The following RORA variants were observed in gnomAD, a reference collection of about 807,000 sequenced individuals.
RORA encodes RAR related orphan receptor A.
Under a neutral mutation model 69.5 loss-of-function variants are expected in RORA, and 7 were observed. The ratio of observed to expected loss-of-function variants is 0.10; its 90% CI spans 0.06 to 0.19. The LOEUF is 0.19. RORA is among the 10% of genes least tolerant of loss of function. The probability of loss-of-function intolerance (pLI) is 1.00; values close to 1 mark genes in which losing one functional copy is unlikely to be tolerated. For synonymous variants in RORA, 261 were observed against 240.8 expected, an observed-to-expected ratio of 1.08 and a Z score of -0.78; for missense variants, 457 against 663.0, an observed-to-expected ratio of 0.69 and a Z score of 3.41.
intron 1 of RORA, among the ~76,000 whole-genome samples, chr15:60,861,973 C>A (rs1595773732): frequency 6.6e-6 from 1 of 152,190 alleles, no homozygotes; most frequent in Admixed American, 6.5e-5. Flanking sequence ...TTTTAGGATG[C>A]AAGGAAAATA....
rs531939218 is a variant in RORA, at chr15:61,210,449, G to A, written c.166+18604C>T. On this transcript the variant is annotated intron_variant, in intron 1 of 10. Transcript: ENST00000335670. Reference sequence around the variant, plus strand: ...GAACAGGGAAAAAAGATTCCATTTCGATTCCTGAAGGTTACCCCCATACCT... The same window carrying A: ...GAACAGGGAAAAAAGATTCCATTTCAATTCCTGAAGGTTACCCCCATACCT... Among the ~76,000 whole-genome samples, 127 of 152,168 alleles carry A rather than the reference G, an allele frequency of 8.3e-4. 2 individuals carry two copies. The highest frequency in any genetic ancestry group is 3.0e-3 in the African/African-American group (123 of 41,496).
chr15:60,744,755 G>T (rs2071624271), intron 1 of RORA, among the ~76,000 whole-genome samples: 1 of 152,172 alleles, frequency 6.6e-6, no homozygotes, highest in African/African-American at 2.4e-5. Context: ...TAACAATGGT[G>T]GCTGTGATGG....
chr15:61,186,467 C>G (rs1300723363), intron 1 of RORA, among the ~76,000 whole-genome samples: 1 of 151,798 alleles, frequency 6.6e-6, no homozygotes, highest in Admixed American at 6.6e-5. Flanking sequence ...ATGGTGGAAC[C>G]CTGTCTCTAC....
chr15:60,841,684 C>A (rs2073200208), intron 1 of RORA, among the ~76,000 whole-genome samples: 1 of 152,178 alleles, frequency 6.6e-6, no homozygotes, highest in Admixed American at 6.5e-5. Flanking sequence ...ACAGGTGGAG[C>A]CAACACCCCT....
At chr15:60,690,398 A>T (rs1011060626) in intron 1 of RORA, among the ~76,000 whole-genome samples, 2 of 152,180 alleles carry the variant, frequency 1.3e-5, no homozygotes, top group African/African-American at 2.4e-5. Flanking sequence ...TGGAACTTGC[A>T]TAAGGCCATG....
At chr15:61,159,556 A>C (rs1381691224) in intron 1 of RORA, among the ~76,000 whole-genome samples, 1 of 152,194 alleles carries the variant, frequency 6.6e-6, no homozygotes, top group Non-Finnish European at 1.5e-5. Flanking sequence ...TTATAACTAC[A>C]AAAAAGCTTG....
chr15:61,014,802 G>A (rs1433601148), intron 1 of RORA, among the ~76,000 whole-genome samples: 1 of 152,116 alleles, frequency 6.6e-6, no homozygotes, highest in African/African-American at 2.4e-5. Context: ...AAGACAAATG[G>A]GTGGTCAAAA....
chr15:60,974,016 C>T (rs1284365752), intron 1 of RORA, among the ~76,000 whole-genome samples: 3 of 152,232 alleles, frequency 2.0e-5, no homozygotes, highest in Non-Finnish European at 4.4e-5. Flanking sequence ...CAAGACATTG[C>T]ATTTCAAACC....
intron 1 of RORA, among the ~76,000 whole-genome samples, chr15:60,752,368 T>C (rs976991298): frequency 1.3e-5 from 2 of 152,084 alleles, no homozygotes; most frequent in Non-Finnish European, 2.9e-5. Flanking sequence ...CGCAGGGACG[T>C]GTGAAAGGAA....
At chr15:61,119,918 C>T (rs1012512934) in intron 1 of RORA, among the ~76,000 whole-genome samples, 1 of 152,076 alleles carries the variant, frequency 6.6e-6, no homozygotes, top group African/African-American at 2.4e-5. Context: ...TTGAGGGCAA[C>T]AAAAGAGAAG....
At chr15:60,693,864 C>A (rs1487048007) in intron 1 of RORA, among the ~76,000 whole-genome samples, 1 of 152,116 alleles carries the variant, frequency 6.6e-6, no homozygotes, top group Admixed American at 6.5e-5. Context: ...AATGGCCATA[C>A]TACCCAAAGT....
chr15:60,978,524 T>C (rs1469884418), intron 1 of RORA, among the ~76,000 whole-genome samples: 1 of 152,218 alleles, frequency 6.6e-6, no homozygotes, highest in Non-Finnish European at 1.5e-5. Flanking sequence ...TTAGTTTTGT[T>C]GAAATCCAAT....
In RORA at chr15:60,490,171, T is replaced by C. The variant is rs2065018908; in HGVS notation, c.*7284A>G. On this transcript the variant is annotated 3_prime_UTR_variant, in exon 11 of 11. Coordinates refer to ENST00000335670, the MANE Select transcript of RORA (RefSeq NM_134261.3). The surrounding 1 kb of genome is among the most constrained non-coding windows in gnomAD (Gnocchi z 4.1). ...GGGCATAGGTAGATATATATATATA[T>C]GTATATATATACAAATATATAGTTA... The C allele has an allele frequency of 6.6e-6, 1 of 150,902 alleles. No homozygotes were observed. The allele number at this position is 150,902 out of a possible 1,614,324, so 9.3% of individuals were successfully genotyped here.
chr15:61,159,577 T>C (rs1387755658), intron 1 of RORA, among the ~76,000 whole-genome samples: 1 of 152,194 alleles, frequency 6.6e-6, no homozygotes, highest in Non-Finnish European at 1.5e-5. Flanking sequence ...TCACGGAGGA[T>C]ATTTTAGTTC....
intron 1 of RORA, among the ~76,000 whole-genome samples, chr15:61,075,184 T>C (rs11854619): frequency 0.049 from 7,447 of 151,970 alleles, 455 homozygotes; most frequent in African/African-American, 0.13. Flanking sequence ...ATGGAGCTAG[T>C]AGGTATTTCT....
chr15:60,929,208 A>C (rs1163406855), intron 1 of RORA, among the ~76,000 whole-genome samples: 1 of 152,180 alleles, frequency 6.6e-6, no homozygotes, highest in African/African-American at 2.4e-5. Flanking sequence ...AAGCTTTGTG[A>C]GGCAAGCGCT....
intron 1 of RORA, among the ~76,000 whole-genome samples, chr15:61,081,759 G>C (rs1278135003): frequency 6.8e-6 from 1 of 146,174 alleles, no homozygotes. Flanking sequence ...AGTGAGCCGA[G>C]ATCACGCCAC....
chr15:60,650,857 C>T (rs528858152), intron 2 of RORA: 1 of 152,218 alleles, frequency 6.6e-6, no homozygotes, highest in African/African-American at 2.4e-5. Context: ...TCCTCATAAC[C>T]ATGTTTTGGT....
At chr15:60,818,130 T>G (rs2072842471) in intron 1 of RORA, among the ~76,000 whole-genome samples, 1 of 152,022 alleles carries the variant, frequency 6.6e-6, no homozygotes, top group South Asian at 2.1e-4. Context: ...AAGAGGGATA[T>G]TTGGATGGGG....
Sources: gnomAD v4.1 joint callset for allele counts (sites outside exome capture counted in the v4.1 genomes callset) on GRCh38, gnomAD v4.1.1 for gene constraint, Gnocchi (gnomAD v3.1) non-coding constraint, MANE v1.5 for transcripts, NCBI Gene and HGNC (gene_info 2026-07-23, HGNC 2026-07-21) for gene names.